Variants in TNNT1 observed in about 807,000 individuals in gnomAD.
TNNT1 encodes troponin T1, slow skeletal type, also known as troponin T, slow skeletal muscle.
TNNT1 carries 53 observed loss-of-function variants against 50.6 expected under a neutral mutation model. The observed-to-expected ratio is 1.05, with a 90% CI of 0.84 to 1.32. The LOEUF is 1.32. TNNT1 is among the 40% of genes most tolerant of loss of function. The probability of loss-of-function intolerance (pLI) is 0.00; values close to 1 mark genes in which losing one functional copy is unlikely to be tolerated. For missense variants in TNNT1, 348 were observed against 381.7 expected (o/e 0.91, Z 0.74); for synonymous variants, 142 against 138.0 (o/e 1.03, Z -0.20).
chr19:55,146,643 AC>A, intron 4 of TNNT1, 37 bp downstream of exon 4: 5 of 492,376 alleles, frequency 1.0e-5, no homozygotes, highest in South Asian at 2.7e-5. Context: ...CCGCCCCCCC[AC>A]CCCCCAGCTC....
intron 5 of TNNT1, among the ~76,000 whole-genome samples, chr19:55,145,843 C>CA (rs1256657599): frequency 1.3e-5 from 2 of 151,730 alleles, no homozygotes; most frequent in Non-Finnish European, 2.9e-5. Flanking sequence ...CCCAGGAGTG[C>CA]AAACCCCCAG....
chr19:55,146,556 G>A (rs1329052347), intron 4 of TNNT1, 90 bp from the exon 5 acceptor site: 4 of 1,146,248 alleles, frequency 3.5e-6, no homozygotes, highest in Admixed American at 2.9e-5. Context: ...GGGAAGAGAC[G>A]TGAGAGGCTG....
rs372922115 is a variant in TNNT1, at chr19:55,146,681, C to A, written c.73G>T (p.Ala25Ser). 4 of 1,498,384 alleles carry A rather than the reference C, an allele frequency of 2.7e-6. No homozygotes were observed. Among genetic ancestry groups the A allele is most frequent in the African/African-American group, 1.4e-5 (1 of 71,894 alleles). The allele number at this position is 1,498,384 out of a possible 1,614,324, so 92.8% of individuals were successfully genotyped here. The change falls in exon 4 of 14, where the codon GCC becomes TCC. Residue 25 changes from alanine (A) to serine (S), a missense_variant and splice_region_variant. By Grantham distance (99) the Ala-to-Ser change is moderately conservative. Coordinates refer to ENST00000588981, the MANE Select transcript of TNNT1 (RefSeq NM_003283.6). ...EEEAAEEEEE[A>S]PEEPEPVAEP... ...AGACCTGCGGAGTCCGGGACCTCAC[C>A]TTCCTCCTCCTCCTCCGCAGCCTCC...
chr19:55,146,867 C>A (rs567018288), intron 3 of TNNT1, 141 bp downstream of exon 3: 66 of 1,267,252 alleles, frequency 5.2e-5, no homozygotes, highest in Non-Finnish European at 6.8e-5. Context: ...CGCGAGGAGA[C>A]GCTCCAGACC....
chr19:55,134,023 G>A (rs775148570), intron 12 of TNNT1, 43 bp downstream of exon 12: 1 of 1,596,962 alleles, frequency 6.3e-7, no homozygotes, highest in Non-Finnish European at 8.6e-7. Flanking sequence ...TCCCAGCCCA[G>A]CCCTGCCCTC....
In TNNT1 at chr19:55,132,752, C is replaced by T. The variant is rs1019519363; in HGVS notation, c.*163G>A. On this transcript the variant is annotated 3_prime_UTR_variant, in exon 14 of 14. Transcript: ENST00000588981. ...TTATTGGTGACACTCTTTCAAGTAA[C>T]TTGTTGGTAATAAGAAGTCAATTAA... The T allele has an allele frequency of 1.6e-5, 11 of 692,996 alleles. No homozygotes were observed. Among genetic ancestry groups the T allele is most frequent in the Admixed American group, 2.3e-5 (1 of 42,716 alleles). 42.9% of individuals were successfully genotyped at this position (692,996 alleles called of 1,614,324 possible).
chr19:55,135,410 T>C, intron 11 of TNNT1: 1 of 237,004 alleles, frequency 4.2e-6, no homozygotes, highest in Non-Finnish European at 8.6e-6. Flanking sequence ...CTTTTCTTTC[T>C]TTTCTTTTTT....
intron 9 of TNNT1, 62 bp downstream of exon 9, chr19:55,140,821 A>T: frequency 8.0e-7 from 1 of 1,252,282 alleles, no homozygotes; most frequent in South Asian, 1.4e-5. Flanking sequence ...AATAATAATA[A>T]CAAAATGGGC....
Position 55,138,044 on chromosome 19 carries a change from C to A in TNNT1, c.418G>T (p.Ala140Ser). Residue 140 changes from alanine to serine, a missense_variant, in exon 10 of 14, where the codon GCC (alanine) becomes TCC (serine). Coordinates refer to ENST00000588981, the MANE Select transcript of TNNT1 (RefSeq NM_003283.6). ...EEKMRKEEEE[A>S]KKRAEDDAKK... ...GCATCATCCTCTGCCCGCTTCTTGGCCTCTTCCTCTTCCTTCCTCATCTTC... is the reference window on the plus strand; with the variant it reads ...GCATCATCCTCTGCCCGCTTCTTGGACTCTTCCTCTTCCTTCCTCATCTTC... The A allele has an allele frequency of 1.2e-6, 2 of 1,614,182 alleles. No individual in the cohort carries two copies. The highest frequency in any genetic ancestry group is 1.7e-6 in the Non-Finnish European group (2 of 1,180,032).
At chr19:55,142,134 T>G (rs997168339) in intron 6 of TNNT1, 7 of 529,472 alleles carry the variant, frequency 1.3e-5, no homozygotes, top group Non-Finnish European at 2.4e-5. Context: ...TTTTGTTTTG[T>G]TTTTTTGACG....
intron 1 of TNNT1, among the ~76,000 whole-genome samples, chr19:55,147,675 G>GCCGCGGGCCAGGACAC: frequency 1.0e-5 from 1 of 95,698 alleles, no homozygotes; most frequent in African/African-American, 5.1e-5. Flanking sequence ...GGGAGGAGGG[G>GCCGCGGGCCAGGACAC]CTGGGGTCTG....
At position 55,146,416 on chromosome 19, in the gene TNNT1, C is replaced by A; in HGVS notation, c.106+18G>T. The A allele has an allele frequency of 7.4e-7, 1 of 1,358,748 alleles. No homozygotes were observed. Among genetic ancestry groups the A allele is most frequent in the Non-Finnish European group, 9.5e-7 (1 of 1,048,966 alleles). The allele number at this position is 1,358,748 out of a possible 1,614,324, so 84.2% of individuals were successfully genotyped here. A position where few individuals can be genotyped will look rare whatever the true frequency, so the allele number is the denominator to read the frequency against. On this transcript the variant is annotated intron_variant, in intron 5 of 13. Transcript: ENST00000588981. ...GGCCCCCGACATCGGTCTCGGGAAG[C>A]GAAGCAGCCGCGGTTACCTGGCTCT...
intron 9 of TNNT1, among the ~76,000 whole-genome samples, chr19:55,138,683 C>T (rs1383985294): frequency 2.0e-5 from 3 of 152,210 alleles, no homozygotes; most frequent in Non-Finnish European, 2.9e-5. Flanking sequence ...CGATAGTGAA[C>T]TCTGCTGTAC....
At chr19:55,145,987 A>ACCGCCCCC (rs951027977) in intron 5 of TNNT1, among the ~76,000 whole-genome samples, 2 of 16,026 alleles carry the variant, frequency 1.2e-4, no homozygotes, top group Admixed American at 6.0e-4. Context: ...CCACCGCCCC[A>ACCGCCCCC]CCGCCCCCCC....
intron 1 of TNNT1, among the ~76,000 whole-genome samples, chr19:55,147,801 C>T (rs1568851376): frequency 1.3e-5 from 2 of 149,170 alleles, no homozygotes; most frequent in Non-Finnish European, 3.0e-5. Flanking sequence ...GGCCTGGCCT[C>T]CTGGGTCTGA....
At chr19:55,140,147 A>G (rs1028031406) in intron 9 of TNNT1, among the ~76,000 whole-genome samples, 16 of 151,006 alleles carry the variant, frequency 1.1e-4, no homozygotes, top group Admixed American at 9.3e-4. Flanking sequence ...AAAATTAAAA[A>G]AAAAGGGAAA....
chr19:55,133,694 A>T, intron 13 of TNNT1, 193 bp downstream of exon 13: 2 of 662,718 alleles, frequency 3.0e-6, no homozygotes, highest in Non-Finnish European at 5.2e-6. Flanking sequence ...AAAAAAAAAA[A>T]AGAAAGAAAA....
chr19:55,141,011 C>T, intron 8 of TNNT1, 51 bp from the exon 9 acceptor site: 1 of 1,604,612 alleles, frequency 6.2e-7, no homozygotes. Flanking sequence ...CCCAGTCTTC[C>T]TTCCCCAGAG....
chr19:55,137,489 C>T (rs1256580273), intron 10 of TNNT1, among the ~76,000 whole-genome samples: 4 of 149,082 alleles, frequency 2.7e-5, no homozygotes, highest in Non-Finnish European at 4.5e-5. Context: ...GCCCCTCCTC[C>T]CTCAGCCCAG....
Sources: allele counts gnomAD v4.1 joint callset (sites outside exome capture counted in the v4.1 genomes callset), GRCh38; gene constraint gnomAD v4.1.1; transcripts MANE v1.5; gene names NCBI Gene and HGNC (gene_info 2026-07-23, HGNC 2026-07-21).